The following PDE10A variants were observed in gnomAD, a reference collection of about 807,000 sequenced individuals.
PDE10A encodes the protein cAMP and cAMP-inhibited cGMP 3',5'-cyclic phosphodiesterase 10A.
In PDE10A, 39 loss-of-function variants were observed where a neutral mutation model predicts 97.7. The observed-to-expected ratio is 0.40, with a 90% CI of 0.31 to 0.52. The LOEUF (loss-of-function observed/expected upper bound fraction) is 0.52, where lower values mean the gene tolerates loss of function less well. Among genes scored for constraint, PDE10A ranks in the 20% least tolerant of loss-of-function variants. The probability of loss-of-function intolerance (pLI) is 0.56; values close to 1 mark genes in which losing one functional copy is unlikely to be tolerated. For synonymous variants in PDE10A, 371 were observed against 376.8 expected, an observed-to-expected ratio of 0.98 and a Z score of 0.18; for missense variants, 731 against 1,047.8, an observed-to-expected ratio of 0.70 and a Z score of 4.17.
At chr6:165,563,178 G>A (rs1784605427) in intron 1 of PDE10A, among the ~76,000 whole-genome samples, 1 of 148,832 alleles carries the variant, frequency 6.7e-6, no homozygotes, top group South Asian at 2.2e-4. Flanking sequence ...AGAGGGGAGG[G>A]GGAGGGGCAG....
At chr6:165,706,315 T>G (rs1173767947) in intron 1 of PDE10A, among the ~76,000 whole-genome samples, 1 of 152,230 alleles carries the variant, frequency 6.6e-6, no homozygotes, top group East Asian at 1.9e-4. Context: ...AGCCAGCTTC[T>G]GATGATGACG....
intron 18 of PDE10A, among the ~76,000 whole-genome samples, chr6:165,354,882 A>G (rs766955820): frequency 2.6e-5 from 4 of 152,230 alleles, no homozygotes; most frequent in African/African-American, 9.6e-5. Flanking sequence ...ATATGACAGC[A>G]AAGAATGGCT....
intron 1 of PDE10A, among the ~76,000 whole-genome samples, chr6:165,687,974 G>A (rs1007487604): frequency 4.6e-5 from 7 of 152,184 alleles, no homozygotes; most frequent in African/African-American, 1.2e-4. Context: ...GAACGAGGAC[G>A]GCTCAACTGT....
At chr6:165,519,638 T>A (rs1380452977) in intron 2 of PDE10A, among the ~76,000 whole-genome samples, 2 of 152,206 alleles carry the variant, frequency 1.3e-5, no homozygotes, top group Non-Finnish European at 2.9e-5. Context: ...GTGTTTGGCT[T>A]CATGCTAAAA....
intron 1 of PDE10A, among the ~76,000 whole-genome samples, chr6:165,908,592 A>C (rs1782364998): frequency 6.6e-6 from 1 of 152,212 alleles, no homozygotes; most frequent in Non-Finnish European, 1.5e-5. Flanking sequence ...AAGTCTAGTG[A>C]AGGCTGGAGG....
chr6:165,915,523 C>A (rs1003916821), intron 1 of PDE10A, among the ~76,000 whole-genome samples: 2 of 152,104 alleles, frequency 1.3e-5, no homozygotes, highest in African/African-American at 4.8e-5. Flanking sequence ...GGCAGTAACA[C>A]AACAGGACAG....
At chr6:165,492,592 C>T (rs754727117) in intron 2 of PDE10A, among the ~76,000 whole-genome samples, 3 of 152,102 alleles carry the variant, frequency 2.0e-5, no homozygotes, top group Non-Finnish European at 4.4e-5. Context: ...ACAAAAATCA[C>T]ATGATCAACT....
intron 1 of PDE10A, among the ~76,000 whole-genome samples, chr6:165,595,746 G>A (rs1253308318): frequency 6.6e-6 from 1 of 152,192 alleles, no homozygotes; most frequent in Non-Finnish European, 1.5e-5. Context: ...AACGTCTAGT[G>A]AAGGCCCCTT....
intron 1 of PDE10A, among the ~76,000 whole-genome samples, chr6:165,561,721 C>T (rs888548455): frequency 1.7e-4 from 26 of 152,178 alleles, no homozygotes; most frequent in Non-Finnish European, 2.9e-4. Context: ...CCAAATGAGT[C>T]CTTTAAGAGC....
intron 1 of PDE10A, among the ~76,000 whole-genome samples, chr6:165,837,947 A>G (rs1780113561): frequency 6.6e-6 from 1 of 152,128 alleles, no homozygotes; most frequent in Non-Finnish European, 1.5e-5. Flanking sequence ...GGCCTCCCAA[A>G]GTGCTGGGGT....
intron 1 of PDE10A, among the ~76,000 whole-genome samples, chr6:165,640,815 G>A (rs1418576507): frequency 5.3e-5 from 8 of 152,106 alleles, no homozygotes; most frequent in Non-Finnish European, 1.2e-4. Flanking sequence ...TTACATAATT[G>A]GCCAAGAATA....
chr6:165,628,828 G>C (rs1788502262), intron 1 of PDE10A, among the ~76,000 whole-genome samples: 1 of 152,068 alleles, frequency 6.6e-6, no homozygotes, highest in South Asian at 2.1e-4. Context: ...AGATAATTGA[G>C]ATTTTGTGAT....
rs1784372307 is a variant in PDE10A, at chr6:165,961,919, A to C, written c.-615+25610T>G. On this transcript the variant is annotated intron_variant, in intron 1 of 19. Coordinates refer to the PDE10A transcript ENST00000366882. ...GGCAATGAAGGAAGGACATGAACCCAAGTCACCAACTGGCGTGACTTTTGT... is the reference window on the plus strand; with the variant it reads ...GGCAATGAAGGAAGGACATGAACCCCAGTCACCAACTGGCGTGACTTTTGT... Among the ~76,000 whole-genome samples the C allele has an allele frequency of 2.6e-5, 4 of 152,254 alleles. No individual in the cohort carries two copies. In the South Asian group the frequency reaches 8.3e-4, roughly 32 times the overall value.
At chr6:165,476,253 G>A (rs892445580) in intron 3 of PDE10A, among the ~76,000 whole-genome samples, 1 of 151,948 alleles carries the variant, frequency 6.6e-6, no homozygotes, top group African/African-American at 2.4e-5. Flanking sequence ...GTGTGAGACG[G>A]AAGATATGCA....
At chr6:165,395,629 A>G (rs1786106242) in intron 14 of PDE10A, among the ~76,000 whole-genome samples, 2 of 152,196 alleles carry the variant, frequency 1.3e-5, no homozygotes, top group African/African-American at 4.8e-5. Context: ...TGGAGTTGAA[A>G]CTGTTCTATC....
At chr6:165,650,270 G>A (rs1789612122) in intron 1 of PDE10A, among the ~76,000 whole-genome samples, 1 of 152,098 alleles carries the variant, frequency 6.6e-6, no homozygotes, top group Admixed American at 6.5e-5. Context: ...TTTTTGAATG[G>A]GAGATAAGTT....
intron 1 of PDE10A, among the ~76,000 whole-genome samples, chr6:165,559,077 G>T (rs1336170575): frequency 6.6e-6 from 1 of 152,142 alleles, no homozygotes; most frequent in African/African-American, 2.4e-5. Context: ...AGATAATGAA[G>T]CAGTAGGATA....
intron 2 of PDE10A, among the ~76,000 whole-genome samples, chr6:165,494,112 A>C (rs1780384075): frequency 6.6e-6 from 1 of 152,168 alleles, no homozygotes; most frequent in African/African-American, 2.4e-5. Flanking sequence ...TCAAAACCAC[A>C]ATGAGATGCC....
chr6:165,876,743 C>T (rs1267042588), intron 1 of PDE10A, among the ~76,000 whole-genome samples: 1 of 152,290 alleles, frequency 6.6e-6, no homozygotes, highest in African/African-American at 2.4e-5. Context: ...GAGCAGAAAG[C>T]CTGCAAACGA....
Sources: gnomAD v4.1 joint callset for allele counts (sites outside exome capture counted in the v4.1 genomes callset) on GRCh38, gnomAD v4.1.1 for gene constraint, MANE v1.5 for transcripts, NCBI Gene and HGNC (gene_info 2026-07-23, HGNC 2026-07-21) for gene names.